The following RYR3 variants were observed in gnomAD, a reference collection of about 807,000 sequenced individuals.
RYR3 encodes the protein ryanodine receptor 3.
In RYR3, 207 loss-of-function variants were observed where a neutral mutation model predicts 584.3. The observed-to-expected ratio is 0.35, with a 90% CI of 0.32 to 0.40. The LOEUF (loss-of-function observed/expected upper bound fraction) is 0.40. Ranked by LOEUF, RYR3 falls within the 10% of genes least tolerant of loss-of-function variation. RYR3 has a pLI of 1.00. For synonymous variants in RYR3, 2,416 were observed against 2,248.5 expected (o/e 1.07, Z -2.11); for missense variants, 5,616 against 6,089.2 (o/e 0.92, Z 2.59).
At chr15:33,710,025 A>G (rs12591509) in intron 43 of RYR3, among the ~76,000 whole-genome samples, 12,258 of 152,204 alleles carry the variant, frequency 0.081, 1,063 homozygotes, top group African/African-American at 0.22. Flanking sequence ...CTAAATTATT[A>G]TGGTGTTGGT....
In RYR3 at chr15:33,533,379, A is replaced by G. The variant is rs1220568249; in HGVS notation, c.423A>G (p.Glu141=). The change falls in exon 5 of 104, where the codon GAA becomes GAG. Residue 141 remains glutamate, a synonymous_variant. Coordinates refer to ENST00000634891, the MANE Select transcript of RYR3 (RefSeq NM_001036.6). ...DKLAFDVGLR[E]HATGEACWWT... is the part of the protein sequence containing the mutation. ...TTGCCTTTGATGTAGGTCTACGGGAACATGCCACAGGTGAGTCAGCATTCC... is the reference window on the plus strand; with the variant it reads ...TTGCCTTTGATGTAGGTCTACGGGAGCATGCCACAGGTGAGTCAGCATTCC... 1 of 1,606,034 alleles carries G rather than the reference A, an allele frequency of 6.2e-7. No individual in the cohort carries two copies. The highest frequency in any genetic ancestry group is 1.3e-5 in the African/African-American group (1 of 74,850).
At chr15:33,672,157 G>A (rs1204739511) in intron 38 of RYR3, among the ~76,000 whole-genome samples, 2 of 152,030 alleles carry the variant, frequency 1.3e-5, no homozygotes, top group Non-Finnish European at 2.9e-5. Context: ...ATGGCTGGCG[G>A]GGGGTGGGGT....
intron 1 of RYR3, among the ~76,000 whole-genome samples, chr15:33,459,062 G>C (rs2047802200): frequency 6.6e-6 from 1 of 152,214 alleles, no homozygotes; most frequent in Non-Finnish European, 1.5e-5. Context: ...ACTGGTGTCT[G>C]TGACCTGGGA....
At chr15:33,432,636 GA>G (rs748007633) in intron 1 of RYR3, among the ~76,000 whole-genome samples, 148 of 144,876 alleles carry the variant, frequency 1.0e-3, no homozygotes, top group Non-Finnish European at 1.7e-3. Context: ...GAGTAGCTGG[GA>G]TTACAGGTGC....
intron 20 of RYR3, among the ~76,000 whole-genome samples, chr15:33,626,543 C>A (rs151008239): frequency 6.6e-6 from 1 of 152,278 alleles, no homozygotes; most frequent in Non-Finnish European, 1.5e-5. Flanking sequence ...TAACAAGGAG[C>A]CGAATGTTAA....
At chr15:33,552,284 C>T (rs1390626019) in intron 10 of RYR3, among the ~76,000 whole-genome samples, 1 of 152,144 alleles carries the variant, frequency 6.6e-6, no homozygotes, top group Non-Finnish European at 1.5e-5. Context: ...AAGCTCAGAG[C>T]CCCATAGAGA....
chr15:33,689,986 G>C (rs771640271), intron 38 of RYR3, among the ~76,000 whole-genome samples: 3 of 152,162 alleles, frequency 2.0e-5, no homozygotes, highest in African/African-American at 7.2e-5. Context: ...GAGGTGGCAC[G>C]ACTGGAGTTA....
chr15:33,698,664 A>C (rs971182655), intron 40 of RYR3, among the ~76,000 whole-genome samples: 11 of 146,938 alleles, frequency 7.5e-5, no homozygotes, highest in Non-Finnish European at 1.2e-4. Flanking sequence ...CAGTTTCATC[A>C]GTGCTACTGG....
At chr15:33,572,037 A>G (rs1361446577) in intron 12 of RYR3, among the ~76,000 whole-genome samples, 4 of 152,198 alleles carry the variant, frequency 2.6e-5, no homozygotes, top group South Asian at 2.1e-4. Context: ...CTTCAAATTA[A>G]TACTAACTTA....
chr15:33,412,496 A>ACC lies in RYR3; in HGVS notation c.52-60921_52-60920dup, dbSNP rs1446748463. Among the ~76,000 whole-genome samples, 2 of 152,120 alleles carry ACC rather than the reference A, an allele frequency of 1.3e-5. No homozygotes were observed. Among genetic ancestry groups the ACC allele is most frequent in the Admixed American group, 1.3e-4 (2 of 15,276 alleles). ...TCACCAGTAGGATCACTTTGAAGCC[A>ACC]CCCTGGCCACGTGCATTGGCAGAAG... is the stretch of plus-strand genomic sequence containing the variant. On this transcript the variant is annotated intron_variant, in intron 1 of 103. Transcript: ENST00000634891. The surrounding 1 kb of genome is among the most constrained non-coding windows in gnomAD (Gnocchi z 4.3).
chr15:33,801,153 G>A (rs1263732246), intron 68 of RYR3, among the ~76,000 whole-genome samples: 4 of 152,164 alleles, frequency 2.6e-5, no homozygotes, highest in Admixed American at 2.6e-4. Flanking sequence ...ATCTTACAGG[G>A]GTAGGTAGTG....
At chr15:33,766,513 T>C (rs2073088356) in intron 60 of RYR3, among the ~76,000 whole-genome samples, 1 of 152,220 alleles carries the variant, frequency 6.6e-6, no homozygotes, top group Admixed American at 6.5e-5. Flanking sequence ...AAGTGAGATA[T>C]TCAGATAATC....
intron 102 of RYR3, among the ~76,000 whole-genome samples, chr15:33,863,512 C>G (rs112722960): frequency 6.6e-6 from 1 of 152,194 alleles, no homozygotes; most frequent in South Asian, 2.1e-4. Flanking sequence ...CCTTTGGAAA[C>G]GGTCTCTGAG....
intron 19 of RYR3, 31 bp from the exon 20 acceptor site, chr15:33,623,776 C>T (rs761762069): frequency 5.0e-6 from 7 of 1,409,238 alleles, no homozygotes; most frequent in African/African-American, 1.4e-5. Context: ...TTTTTTTTAA[C>T]CTCTGTATTT....
At chr15:33,668,323 A>G (rs2063612378) in intron 36 of RYR3, among the ~76,000 whole-genome samples, 1 of 151,748 alleles carries the variant, frequency 6.6e-6, no homozygotes, top group Non-Finnish European at 1.5e-5. Flanking sequence ...TCTCAAAAAA[A>G]CAAACAAACA....
At chr15:33,764,704 A>G (rs978489161) in intron 60 of RYR3, among the ~76,000 whole-genome samples, 1 of 152,162 alleles carries the variant, frequency 6.6e-6, no homozygotes, top group South Asian at 2.1e-4. Flanking sequence ...TTTCCATCCC[A>G]TGCTTATCAA....
chr15:33,827,327 T>G (rs749378021), intron 85 of RYR3, 40 bp downstream of exon 85: 2 of 1,522,982 alleles, frequency 1.3e-6, no homozygotes, highest in Non-Finnish European at 1.8e-6. Flanking sequence ...CTCTCACCTT[T>G]GCTTCCAGAA....
intron 3 of RYR3, among the ~76,000 whole-genome samples, chr15:33,517,671 T>G (rs1416457564): frequency 6.6e-6 from 1 of 152,178 alleles, no homozygotes; most frequent in Admixed American, 6.5e-5. Flanking sequence ...TGACCCAGGC[T>G]CATCTTAATT....
At chr15:33,721,484 G>A (rs572223703) in intron 43 of RYR3, among the ~76,000 whole-genome samples, 41 of 152,294 alleles carry the variant, frequency 2.7e-4, no homozygotes, top group African/African-American at 9.6e-4. Flanking sequence ...TAATACAACA[G>A]CTTATCACAT....
Sources: gnomAD v4.1 joint callset for allele counts (sites outside exome capture counted in the v4.1 genomes callset) on GRCh38, gnomAD v4.1.1 for gene constraint, Gnocchi (gnomAD v3.1) non-coding constraint, MANE v1.5 for transcripts, NCBI Gene and HGNC (gene_info 2026-07-23, HGNC 2026-07-21) for gene names.